The following GCSAML variants were observed in gnomAD, a reference collection of about 807,000 sequenced individuals.
GCSAML encodes the protein germinal center-associated signaling and motility-like protein.
Under a neutral mutation model 13.0 loss-of-function variants are expected in GCSAML, and 9 were observed. That is an observed-to-expected ratio of 0.69 (90% CI 0.42 to 1.21). GCSAML has a LOEUF of 1.21. Ranked by LOEUF, GCSAML falls within the 50% of genes most tolerant of loss-of-function variation. GCSAML has a pLI of 0.00. For synonymous variants in GCSAML, 37 were observed against 52.9 expected, an observed-to-expected ratio of 0.70 and a Z score of 1.31; for missense variants, 143 against 153.4, an observed-to-expected ratio of 0.93 and a Z score of 0.36.
At position 247,575,348 on chromosome 1, in the gene GCSAML, C is replaced by A. The variant is rs1668792531; in HGVS notation, c.*966C>A. The A allele has an allele frequency of 6.6e-6, 1 of 152,142 alleles. No individual in the cohort carries two copies. The highest frequency in any genetic ancestry group is 2.1e-4 in the South Asian group (1 of 4,830). The allele number at this position is 152,142 out of a possible 1,614,324, so 9.4% of individuals were successfully genotyped here. On this transcript the variant is annotated 3_prime_UTR_variant, in exon 5 of 5. Coordinates refer to ENST00000366488, the MANE Select transcript of GCSAML (RefSeq NM_145278.5). ...GGTTTTGGTTACCAATAAGTCTCCA[C>A]AAATATATGTCCAAGAATCTTCAAT...
chr1:247,552,547 C>T (rs541560035), intron 1 of GCSAML, among the ~76,000 whole-genome samples: 8 of 152,316 alleles, frequency 5.3e-5, no homozygotes, highest in East Asian at 3.9e-4. Flanking sequence ...ATGTAGACAT[C>T]GCCCATGGGC....
upstream of GCSAML, among the ~76,000 whole-genome samples, chr1:247,546,398 A>G (rs373383316): frequency 7.2e-3 from 1,100 of 152,086 alleles, 13 homozygotes; most frequent in African/African-American, 0.022. Flanking sequence ...TCGCTCTGTC[A>G]CCCAGGCTGG....
chr1:247,554,846 T>G (rs1667898575), intron 1 of GCSAML, among the ~76,000 whole-genome samples: 1 of 152,134 alleles, frequency 6.6e-6, no homozygotes, highest in Admixed American at 6.5e-5. Context: ...CATCCAACAT[T>G]TAGAAAGTTT....
At chr1:247,544,640 T>C (rs751906904), upstream of GCSAML, among the ~76,000 whole-genome samples, 37 of 151,978 alleles carry the variant, frequency 2.4e-4, no homozygotes, top group Non-Finnish European at 4.6e-4. Context: ...CAAGACAACA[T>C]GGCAAACATG....
At chr1:247,540,537 A>C (rs1408368905) in intron 2 of GCSAML, among the ~76,000 whole-genome samples, 2 of 152,244 alleles carry the variant, frequency 1.3e-5, no homozygotes, top group African/African-American at 4.8e-5. Context: ...TTCTGTCAGA[A>C]TAGAAGCTCA....
intron 4 of GCSAML, among the ~76,000 whole-genome samples, chr1:247,567,350 CG>C: frequency 6.6e-6 from 1 of 151,988 alleles, no homozygotes; most frequent in South Asian, 2.1e-4. Flanking sequence ...CCAACAGGCC[CG>C]GGTGTGTGAT....
chr1:247,538,169 A>G (rs180753927), intron 2 of GCSAML, among the ~76,000 whole-genome samples: 1 of 152,290 alleles, frequency 6.6e-6, no homozygotes, highest in African/African-American at 2.4e-5. Flanking sequence ...CGTTTTGTAT[A>G]TGCTGTAAGG....
chr1:247,542,920 C>A (rs1035404304), intron 2 of GCSAML, among the ~76,000 whole-genome samples: 1 of 152,246 alleles, frequency 6.6e-6, no homozygotes, highest in Non-Finnish European at 1.5e-5. Flanking sequence ...TAGTTGGCAG[C>A]AAGCTGCATG....
chr1:247,560,321 G>A (rs948559073), intron 2 of GCSAML, among the ~76,000 whole-genome samples: 1 of 152,170 alleles, frequency 6.6e-6, no homozygotes, highest in Non-Finnish European at 1.5e-5. Context: ...TAAAGACCTC[G>A]TAGGTTTTAG....
intron 2 of GCSAML, among the ~76,000 whole-genome samples, chr1:247,562,118 A>T (rs1284334004): frequency 1.3e-5 from 2 of 152,210 alleles, no homozygotes; most frequent in African/African-American, 4.8e-5. Flanking sequence ...AAAAGCTGAG[A>T]TACCTTGAAG....
intron 2 of GCSAML, among the ~76,000 whole-genome samples, chr1:247,556,682 G>A (rs73150464): frequency 0.028 from 4,242 of 152,170 alleles, 202 homozygotes; most frequent in African/African-American, 0.096. Context: ...TGTTTCTATT[G>A]ATTATATAAT....
In GCSAML at chr1:247,527,209, C is replaced by A; in HGVS notation, c.-148+155C>A. 1 of 394,664 alleles carries A rather than the reference C, an allele frequency of 2.5e-6. No homozygotes were observed. Among genetic ancestry groups the A allele is most frequent in the Non-Finnish European group, 5.0e-6 (1 of 198,086 alleles). 24.4% of individuals were successfully genotyped at this position (394,664 alleles called of 1,614,324 possible). A position where few individuals can be genotyped will look rare whatever the true frequency, so the allele number is the denominator to read the frequency against. On this transcript the variant is annotated intron_variant, in intron 2 of 5. Coordinates refer to the GCSAML transcript ENST00000366489. This position sits in a 1 kb window ranked among gnomAD's most constrained non-coding sequence, Gnocchi z 4.6. ...GAGTGTGAGTTATGGTCATCATTCT[C>A]CTCTGTGCCAAACAGGGGCTGATGG...
chr1:247,515,276 C>A (rs1666173328), intron 1 of GCSAML, among the ~76,000 whole-genome samples: 1 of 152,192 alleles, frequency 6.6e-6, no homozygotes, highest in Non-Finnish European at 1.5e-5. Context: ...CCTTTCAAAT[C>A]TCTGACAAAG....
At chr1:247,510,144 G>C (rs1665979963) in intron 1 of GCSAML, among the ~76,000 whole-genome samples, 1 of 151,970 alleles carries the variant, frequency 6.6e-6, no homozygotes, top group African/African-American at 2.4e-5. Flanking sequence ...GGCTTTTTTT[G>C]GTTGACAGGC....
chr1:247,521,598 A>G (rs1170500546), intron 1 of GCSAML, among the ~76,000 whole-genome samples: 1 of 151,728 alleles, frequency 6.6e-6, no homozygotes, highest in Non-Finnish European at 1.5e-5. Context: ...GCTGGGCTGG[A>G]CTCCAGCTCC....
intron 1 of GCSAML, among the ~76,000 whole-genome samples, chr1:247,507,393 T>C (rs1422452682): frequency 1.3e-5 from 2 of 152,236 alleles, no homozygotes; most frequent in Non-Finnish European, 2.9e-5. Flanking sequence ...TGTAATGTTA[T>C]GAGGACATAA....
chr1:247,525,311 A>T (rs528898379), intron 1 of GCSAML: 27 of 152,212 alleles, frequency 1.8e-4, no homozygotes, highest in Non-Finnish European at 3.2e-4. Flanking sequence ...ACCTGGAAAT[A>T]ACGCCAGGTC....
chr1:247,546,881 G>A (rs1667600805), upstream of GCSAML, among the ~76,000 whole-genome samples: 1 of 151,010 alleles, frequency 6.6e-6, no homozygotes, highest in African/African-American at 2.4e-5. Flanking sequence ...CTTCAACTCA[G>A]GAGTTTGAGA....
intron 1 of GCSAML, among the ~76,000 whole-genome samples, chr1:247,511,810 T>A (rs1391387930): frequency 1.3e-5 from 2 of 152,216 alleles, no homozygotes; most frequent in African/African-American, 4.8e-5. Flanking sequence ...AAAACTCATT[T>A]CTTTAAGAAT....
Sources: allele counts gnomAD v4.1 joint callset (sites outside exome capture counted in the v4.1 genomes callset), GRCh38; gene constraint gnomAD v4.1.1; non-coding constraint Gnocchi (gnomAD v3.1); transcripts MANE v1.5; gene names NCBI Gene and HGNC (gene_info 2026-07-23, HGNC 2026-07-21).